Variants in NAALADL2 observed in about 807,000 individuals in gnomAD.
The protein encoded by NAALADL2 is N-acetylated alpha-linked acidic dipeptidase like 2.
Under a neutral mutation model 87.2 loss-of-function variants are expected in NAALADL2, and 76 were observed. The observed-to-expected ratio is 0.87, with a 90% CI of 0.72 to 1.05. NAALADL2 has a LOEUF of 1.05. Ranked by LOEUF, NAALADL2 falls within the 50% of genes least tolerant of loss-of-function variation. The pLI is 0.00. For missense variants in NAALADL2, 1,089 were observed against 945.8 expected (o/e 1.15, Z -1.99); for synonymous variants, 354 against 331.0 (o/e 1.07, Z -0.75).
At chr3:175,707,020 G>GT (rs1739817399) in intron 11 of NAALADL2, among the ~76,000 whole-genome samples, 1 of 152,088 alleles carries the variant, frequency 6.6e-6, no homozygotes, top group Admixed American at 6.6e-5. Context: ...TGGCATTATA[G>GT]TTTTTTATTG....
At chr3:175,407,125 A>G (rs1290583712) in intron 5 of NAALADL2, among the ~76,000 whole-genome samples, 2 of 152,196 alleles carry the variant, frequency 1.3e-5, no homozygotes, top group Non-Finnish European at 2.9e-5. Context: ...CAGAGGTTGC[A>G]GTGAGCCAAG....
intron 2 of NAALADL2, among the ~76,000 whole-genome samples, chr3:174,578,547 C>CA (rs1294762713): frequency 6.6e-6 from 1 of 151,756 alleles, no homozygotes; most frequent in Non-Finnish European, 1.5e-5. Context: ...AAGCTGAAAG[C>CA]AAGATATGTT....
chr3:174,484,024 C>G (rs1717713714), intron 1 of NAALADL2, among the ~76,000 whole-genome samples: 1 of 152,058 alleles, frequency 6.6e-6, no homozygotes, highest in Admixed American at 6.6e-5. Context: ...CATGATTTCT[C>G]TGAGCCTCAG....
chr3:174,521,150 C>CT (rs1720256079), intron 1 of NAALADL2, among the ~76,000 whole-genome samples: 1 of 152,122 alleles, frequency 6.6e-6, no homozygotes, highest in African/African-American at 2.4e-5. Context: ...AGCAATCCCA[C>CT]TACTGTTTAT....
intron 10 of NAALADL2, among the ~76,000 whole-genome samples, chr3:175,592,093 C>T (rs568631603): frequency 3.9e-5 from 6 of 151,940 alleles, no homozygotes; most frequent in Admixed American, 1.3e-4. Context: ...TGTTCAGGGT[C>T]AGTTTCTAAA....
chr3:175,159,200 T>C (rs946155816), intron 2 of NAALADL2, among the ~76,000 whole-genome samples: 1 of 152,124 alleles, frequency 6.6e-6, no homozygotes, highest in Non-Finnish European at 1.5e-5. Context: ...TAGCTACAAG[T>C]GCAATGAAAA....
chr3:174,561,355 A>G (rs1713594926), intron 2 of NAALADL2, among the ~76,000 whole-genome samples: 2 of 151,946 alleles, frequency 1.3e-5, no homozygotes, highest in South Asian at 4.2e-4. Context: ...ATGTGCCACC[A>G]TGCCCAGCTA....
chr3:174,622,613 A>G (rs1721118282), intron 2 of NAALADL2, among the ~76,000 whole-genome samples: 1 of 152,238 alleles, frequency 6.6e-6, no homozygotes, highest in South Asian at 2.1e-4. Context: ...CCTATTTTCT[A>G]TATGTATGAT....
chr3:175,144,712 C>A (rs556001098), intron 2 of NAALADL2, among the ~76,000 whole-genome samples: 109 of 151,932 alleles, frequency 7.2e-4, no homozygotes, highest in African/African-American at 2.6e-3. Context: ...CAGGTTTATT[C>A]TCTAAATCCC....
At chr3:175,491,149 T>C (rs1728015261) in intron 9 of NAALADL2, among the ~76,000 whole-genome samples, 2 of 142,684 alleles carry the variant, frequency 1.4e-5, no homozygotes, top group Admixed American at 1.4e-4. Context: ...CTTTTTTTTT[T>C]TCTGTCAGGA....
intron 1 of NAALADL2, among the ~76,000 whole-genome samples, chr3:174,979,704 C>T (rs1744867514): frequency 6.9e-6 from 1 of 144,004 alleles, no homozygotes; most frequent in African/African-American, 2.9e-5. Context: ...ATTTTTATTA[C>T]CTAAAAAACA....
At chr3:174,535,880 G>A (rs909769235) in intron 1 of NAALADL2, among the ~76,000 whole-genome samples, 8 of 151,834 alleles carry the variant, frequency 5.3e-5, no homozygotes, top group Non-Finnish European at 1.2e-4. Context: ...TAAGAAGTAG[G>A]TTTACAGCAG....
At chr3:175,671,333 A>G (rs542215488) in intron 11 of NAALADL2, among the ~76,000 whole-genome samples, 1 of 152,084 alleles carries the variant, frequency 6.6e-6, no homozygotes, top group African/African-American at 2.4e-5. Flanking sequence ...TTATGAAAAG[A>G]AAAAAGTTCA....
chr3:174,898,723 C>T (rs1264939822), intron 1 of NAALADL2, among the ~76,000 whole-genome samples: 1 of 151,918 alleles, frequency 6.6e-6, no homozygotes, highest in Non-Finnish European at 1.5e-5. Context: ...TTCATAGAGC[C>T]ATAGATTATA....
intron 1 of NAALADL2, among the ~76,000 whole-genome samples, chr3:175,013,256 T>TATAAATATAAAC (rs1253687849): frequency 2.6e-5 from 3 of 115,078 alleles, no homozygotes; most frequent in African/African-American, 1.1e-4. Context: ...ATATATAATA[T>TATAAATATAAAC]ACATATATTT....
At chr3:174,754,828 C>A (rs1266290174) in intron 3 of NAALADL2, among the ~76,000 whole-genome samples, 1 of 152,156 alleles carries the variant, frequency 6.6e-6, no homozygotes, top group African/African-American at 2.4e-5. Flanking sequence ...TTAATAATGG[C>A]AGCTAAATGC....
chr3:175,688,101 A>C (rs1008848582), intron 11 of NAALADL2, among the ~76,000 whole-genome samples: 9 of 152,152 alleles, frequency 5.9e-5, no homozygotes, highest in African/African-American at 2.2e-4. Flanking sequence ...TTTGTTACTG[A>C]ATGCTAAAGT....
At chr3:175,297,684 C>A (rs1221909865) in intron 4 of NAALADL2, among the ~76,000 whole-genome samples, 1 of 152,088 alleles carries the variant, frequency 6.6e-6, no homozygotes, top group Non-Finnish European at 1.5e-5. Context: ...TTATGGACTG[C>A]CATTACAGCC....
intron 7 of NAALADL2, among the ~76,000 whole-genome samples, chr3:175,465,559 C>T (rs1045699622): frequency 7.3e-5 from 11 of 149,672 alleles, no homozygotes; most frequent in Admixed American, 4.7e-4. Context: ...TTGCATCCTC[C>T]GCCTCTGAGG....
Sources: allele counts gnomAD v4.1 joint callset (sites outside exome capture counted in the v4.1 genomes callset), GRCh38; gene constraint gnomAD v4.1.1; transcripts MANE v1.5; gene names NCBI Gene and HGNC (gene_info 2026-07-23, HGNC 2026-07-21).